The following CDH12 variants were observed in gnomAD, a reference collection of about 807,000 sequenced individuals.
The protein encoded by CDH12 is cadherin-12.
In CDH12, 41 loss-of-function variants were observed where a neutral mutation model predicts 74.1. The ratio of observed to expected loss-of-function variants is 0.55; its 90% CI spans 0.43 to 0.72. The LOEUF (loss-of-function observed/expected upper bound fraction) is 0.72. Among genes scored for constraint, CDH12 ranks in the 30% least tolerant of loss-of-function variants. The pLI, the probability that CDH12 is intolerant of heterozygous loss-of-function variation, is 0.00. For missense variants in CDH12, 945 were observed against 977.2 expected (o/e 0.97, Z 0.44); for synonymous variants, 399 against 355.0 (o/e 1.12, Z -1.39).
intron 2 of CDH12, among the ~76,000 whole-genome samples, chr5:22,446,291 C>T (rs1744813828): frequency 6.6e-6 from 1 of 152,094 alleles, no homozygotes; most frequent in Non-Finnish European, 1.5e-5. Context: ...ATCCCCACAC[C>T]CCTAACTACT....
intron 5 of CDH12, among the ~76,000 whole-genome samples, chr5:22,027,236 T>C (rs1382405679): frequency 2.0e-5 from 3 of 152,160 alleles, no homozygotes; most frequent in Non-Finnish European, 4.4e-5. Context: ...TTGAGGATTT[T>C]TGCATCAATG....
intron 3 of CDH12, among the ~76,000 whole-genome samples, chr5:22,306,084 T>C (rs886376295): frequency 6.6e-6 from 1 of 152,202 alleles, no homozygotes; most frequent in Non-Finnish European, 1.5e-5. Context: ...CTCTTTAATG[T>C]CTTTATACTT....
chr5:22,267,530 TA>T (rs1736179817), intron 3 of CDH12, among the ~76,000 whole-genome samples: 1 of 152,118 alleles, frequency 6.6e-6, no homozygotes, highest in African/African-American at 2.4e-5. Flanking sequence ...TAAATTGTCT[TA>T]AAAAATTGCT....
intron 2 of CDH12, among the ~76,000 whole-genome samples, chr5:22,497,943 G>GT (rs1747172842): frequency 6.6e-6 from 1 of 151,928 alleles, no homozygotes; most frequent in Non-Finnish European, 1.5e-5. Context: ...GTGAGCCACC[G>GT]TGCCCAGCTG....
intron 6 of CDH12, among the ~76,000 whole-genome samples, chr5:21,892,776 T>G (rs1469924802): frequency 6.6e-6 from 1 of 152,182 alleles, no homozygotes; most frequent in African/African-American, 2.4e-5. Flanking sequence ...TGATGCTGCC[T>G]GATTTGGTTT....
intron 1 of CDH12, among the ~76,000 whole-genome samples, chr5:22,792,982 T>C (rs1017872788): frequency 6.6e-6 from 1 of 152,254 alleles, no homozygotes; most frequent in African/African-American, 2.4e-5. Flanking sequence ...TGTCATTCTC[T>C]AAATTTATTC....
intron 1 of CDH12, among the ~76,000 whole-genome samples, chr5:22,543,621 G>GA (rs1386243316): frequency 2.0e-5 from 3 of 152,040 alleles, no homozygotes; most frequent in Non-Finnish European, 4.4e-5. Context: ...CTACAGTCTA[G>GA]AAAGAAAATT....
intron 3 of CDH12, among the ~76,000 whole-genome samples, chr5:22,301,785 C>A (rs964509561): frequency 6.6e-6 from 1 of 151,966 alleles, no homozygotes; most frequent in Admixed American, 6.6e-5. Context: ...GAACATGCCA[C>A]CATGCCCAGC....
chr5:21,969,290 T>C (rs1454408547), intron 6 of CDH12, among the ~76,000 whole-genome samples: 3 of 152,158 alleles, frequency 2.0e-5, no homozygotes, highest in Non-Finnish European at 4.4e-5. Context: ...ATATATTGCA[T>C]GACAGAGCAA....
intron 3 of CDH12, among the ~76,000 whole-genome samples, chr5:22,229,559 C>T (rs770310959): frequency 1.3e-5 from 2 of 151,796 alleles, no homozygotes; most frequent in South Asian, 2.1e-4. Flanking sequence ...GCCAATCATT[C>T]GGTTATTTGG....
chr5:21,959,920 A>AT (rs1756276743), intron 6 of CDH12, among the ~76,000 whole-genome samples: 1 of 120,868 alleles, frequency 8.3e-6, no homozygotes, highest in Non-Finnish European at 1.6e-5. Flanking sequence ...GTGAGGCTCC[A>AT]TCTCAAAAAA....
At chr5:22,739,753 AGCTGCTTT>A (rs1744926854) in intron 1 of CDH12, among the ~76,000 whole-genome samples, 4 of 151,934 alleles carry the variant, frequency 2.6e-5, no homozygotes, top group Admixed American at 6.6e-5. Context: ...TCCTTCTTTC[AGCTGCTTT>A]TCAACCCTCT....
intron 6 of CDH12, among the ~76,000 whole-genome samples, chr5:21,926,924 A>C (rs1754608547): frequency 6.6e-6 from 1 of 152,162 alleles, no homozygotes; most frequent in Non-Finnish European, 1.5e-5. Flanking sequence ...GAGTTGGTGA[A>C]GGTTTGAGGA....
chr5:22,144,201 C>T (rs1580317540), intron 4 of CDH12: 2 of 152,220 alleles, frequency 1.3e-5, no homozygotes, highest in Non-Finnish European at 2.9e-5. Context: ...ATAAGTTGTT[C>T]TTTTCTTAAT....
chr5:22,153,041 A>G (rs771892897), intron 4 of CDH12, among the ~76,000 whole-genome samples: 2 of 152,016 alleles, frequency 1.3e-5, no homozygotes, highest in Non-Finnish European at 2.9e-5. Flanking sequence ...TCTGTACCTG[A>G]GCTATTGAGG....
chr5:22,826,497 A>G (rs1736328927), intron 1 of CDH12, among the ~76,000 whole-genome samples: 1 of 152,222 alleles, frequency 6.6e-6, no homozygotes. Flanking sequence ...ACTGGGTAAC[A>G]GACAGAGATT....
At position 22,336,796 on chromosome 5, in the gene CDH12, A is replaced by C. The variant is rs553041246; in HGVS notation, c.-333+68461T>G. ...TAGGGCAGTGTGGAAGGGAAATGTGAGGTCGGAGCCCCCACACAGAGTCCC... is the reference window on the plus strand; with the variant it reads ...TAGGGCAGTGTGGAAGGGAAATGTGCGGTCGGAGCCCCCACACAGAGTCCC... On this transcript the variant is annotated intron_variant, in intron 3 of 14. Coordinates refer to ENST00000382254, the MANE Select transcript of CDH12 (RefSeq NM_004061.5). Among the ~76,000 whole-genome samples the C allele has an allele frequency of 1.1e-3, 173 of 152,304 alleles. 1 individual carries two copies. Among genetic ancestry groups the C allele is most frequent in the Admixed American group, 3.1e-3 (48 of 15,302 alleles).
chr5:22,190,376 C>T (rs1750205577), intron 4 of CDH12, among the ~76,000 whole-genome samples: 1 of 151,980 alleles, frequency 6.6e-6, no homozygotes, highest in African/African-American at 2.4e-5. Context: ...ATCTATCTAT[C>T]TATCTATCTA....
chr5:22,760,465 G>A (rs1043569511), intron 1 of CDH12, among the ~76,000 whole-genome samples: 4 of 152,006 alleles, frequency 2.6e-5, no homozygotes, highest in Admixed American at 6.6e-5. Flanking sequence ...TGGATCAAAA[G>A]GTCAGGAGTT....
Sources: gnomAD v4.1 joint callset for allele counts (sites outside exome capture counted in the v4.1 genomes callset) on GRCh38, gnomAD v4.1.1 for gene constraint, MANE v1.5 for transcripts, NCBI Gene and HGNC (gene_info 2026-07-23, HGNC 2026-07-21) for gene names.